AP5B1: variants seen among roughly 807,000 people sequenced by gnomAD.
AP5B1 encodes AP-5 complex subunit beta-1.
AP5B1 carries 3 observed loss-of-function variants against 5.7 expected under a neutral mutation model. That is an observed-to-expected ratio of 0.53 (90% CI 0.24 to 1.36). AP5B1 has a LOEUF of 1.36. Ranked by LOEUF, AP5B1 falls within the 40% of genes most tolerant of loss-of-function variation. The pLI is 0.17. For missense variants in AP5B1, 1,310 were observed against 1,143.2 expected, an observed-to-expected ratio of 1.15 and a Z score of -2.10; for synonymous variants, 696 against 555.5, an observed-to-expected ratio of 1.25 and a Z score of -3.56.
chr11:65,779,224 A>G lies in AP5B1; in HGVS notation c.1269T>C (p.Cys423=). 6.2e-7 allele frequency: 1 copy of G among 1,602,206 alleles called. No individual in the cohort carries two copies. The highest frequency in any genetic ancestry group is 8.5e-7 in the Non-Finnish European group (1 of 1,174,008). The part of the protein sequence containing the change: ...LARLHLLCLL[C]AEEEEEEKGQ... The stretch of plus-strand genomic sequence containing the variant: ...CTTTCTCCTCTTCTTCCTCCTCGGC[A>G]CAGAGCAGGCACAGTAAATGCAGGC... The change falls in exon 2 of 2, where the codon TGT becomes TGC. Residue 423 remains cysteine, a synonymous_variant. Transcript: ENST00000532090.
Position 65,779,209 on chromosome 11 carries a change from T to C in AP5B1, c.1284A>G (p.Glu428=), listed in dbSNP as rs1857809635. The change falls in exon 2 of 2, where the codon GAA becomes GAG. Residue 428 remains glutamate, a synonymous_variant. Coordinates refer to ENST00000532090, the MANE Select transcript of AP5B1 (RefSeq NM_138368.5). ...GGCTTGGAAGCTGGCCTTTCTCCTC[T>C]TCTTCCTCCTCGGCACAGAGCAGGC... ...LLCLLCAEEE[E]EEKGQLPSPR... is the part of the protein sequence containing the mutation. 2 of 1,605,466 alleles carry C rather than the reference T, an allele frequency of 1.2e-6. No individual in the cohort carries two copies. Among genetic ancestry groups the C allele is most frequent in the African/African-American group, 1.3e-5 (1 of 74,736 alleles).
Position 65,779,976 on chromosome 11 carries a change from GCAGCAACCCCAGGGAGCCCCC to G in AP5B1, c.496_516del (p.Gly166_Leu172del), listed in dbSNP as rs770627953. The G allele has an allele frequency of 1.2e-5, 19 of 1,578,256 alleles. No individual in the cohort carries two copies. The highest frequency in any genetic ancestry group is 1.6e-5 in the Non-Finnish European group (19 of 1,162,746). On this transcript the variant is annotated inframe_deletion, in exon 2 of 2. Coordinates refer to ENST00000532090, the MANE Select transcript of AP5B1 (RefSeq NM_138368.5). ...GGGCCTTCCTGCCCCAGCAGGCCCC[GCAGCAACCCCAGGGAGCCCCC>G]CAGCAGCCCGGGCTTGCAGCTCTCT...
chr11:65,780,255 C>A lies in AP5B1; in HGVS notation c.238G>T (p.Asp80Tyr), dbSNP rs756306146. ...CGCGGGGGTAGGAGGACCAAGGTGT[C>A]CAACAGGGAGGTGGCGGCCACTTCG... is the stretch of plus-strand genomic sequence containing the variant. ...AAEVAATSLL[D>Y]TLVLLPPRPS... Residue 80 changes from aspartate (D) to tyrosine (Y), a missense_variant, in exon 2 of 2, where the codon GAC becomes TAC. Transcript: ENST00000532090. 1 of 1,510,344 alleles carries A rather than the reference C, an allele frequency of 6.6e-7. No individual in the cohort carries two copies. The highest frequency in any genetic ancestry group is 1.3e-5 in the South Asian group (1 of 76,654). The allele number at this position is 1,510,344 out of a possible 1,614,324, so 93.6% of individuals were successfully genotyped here. A position where few individuals can be genotyped will look rare whatever the true frequency, so the allele number is the denominator to read the frequency against.
Position 65,777,730 on chromosome 11 carries a change from C to T in AP5B1, c.*126G>A, listed in dbSNP as rs548398375. The T allele has an allele frequency of 7.0e-5, 83 of 1,188,600 alleles. No homozygotes were observed. Among genetic ancestry groups the T allele is most frequent in the Non-Finnish European group, 8.2e-5 (72 of 877,816 alleles). 73.6% of individuals were successfully genotyped at this position (1,188,600 alleles called of 1,614,324 possible). A position where few individuals can be genotyped will look rare whatever the true frequency, so the allele number is the denominator to read the frequency against. On this transcript the variant is annotated 3_prime_UTR_variant, in exon 2 of 2. Transcript: ENST00000532090. ...TCACCCCCAGGAGCCTGCTCCCAAC[C>T]GGGGCCCAAAAGAAAACAAGCCAGC...
chr11:65,779,506 C>A lies in AP5B1; in HGVS notation c.987G>T (p.Ala329=), dbSNP rs768121204. The A allele has an allele frequency of 2.5e-6, 4 of 1,603,754 alleles. No individual in the cohort carries two copies. The highest frequency in any genetic ancestry group is 1.7e-6 in the Non-Finnish European group (2 of 1,176,156). The change falls in exon 2 of 2, where the codon GCG becomes GCT. Residue 329 remains alanine, a synonymous_variant. Coordinates refer to ENST00000532090, the MANE Select transcript of AP5B1 (RefSeq NM_138368.5). ...AQLTLLHAML[A]LKAAFGEALF... ...AGGCCTCACCAAAGGCCGCCTTGAG[C>A]GCAAGCATGGCGTGCAACAGTGTCA...
rs769590742 is a variant in AP5B1, at chr11:65,780,417, G to A, written c.150+25C>T. ...CGGGCTGGGGTGACCCTGCGGAACG[G>A]CGCAGGGGACGCGTGGGGGCCTACC... On this transcript the variant is annotated intron_variant, in intron 1 of 1. Coordinates refer to ENST00000532090, the MANE Select transcript of AP5B1 (RefSeq NM_138368.5). 5.4e-6 allele frequency: 8 copies of A among 1,484,324 alleles called. No homozygotes were observed. The African/African-American group carries it at 8.7e-5, about 16-fold the overall frequency. The allele number at this position is 1,484,324 out of a possible 1,614,324, so 91.9% of individuals were successfully genotyped here.
rs1369898902 is a variant in AP5B1, at chr11:65,780,356, T to C, written c.151-14A>G. 2.0e-6 allele frequency: 3 copies of C among 1,464,140 alleles called. No homozygotes were observed. In the Admixed American group the frequency reaches 7.3e-5, roughly 36 times the overall value. 90.7% of individuals were successfully genotyped at this position (1,464,140 alleles called of 1,614,324 possible). A position where few individuals can be genotyped will look rare whatever the true frequency, so the allele number is the denominator to read the frequency against. On this transcript the variant is annotated splice_polypyrimidine_tract_variant and intron_variant, in intron 1 of 1. Coordinates refer to ENST00000532090, the MANE Select transcript of AP5B1 (RefSeq NM_138368.5). ...CAGCAGGGAAACCTGGATGGGGGAT[T>C]AGGAGGGAATCACGAAGATGAGGTT... is the stretch of plus-strand genomic sequence containing the variant.
At position 65,778,191 on chromosome 11, in the gene AP5B1, G is replaced by C; in HGVS notation, c.2302C>G (p.Leu768Val). 1 of 1,613,238 alleles carries C rather than the reference G, an allele frequency of 6.2e-7. No individual in the cohort carries two copies. Among genetic ancestry groups the C allele is most frequent in the Non-Finnish European group, 8.5e-7 (1 of 1,179,886 alleles). The change falls in exon 2 of 2, where the codon CTG (leucine) becomes GTG (valine). Residue 768 changes from leucine (L) to valine (V), a missense_variant. Coordinates refer to ENST00000532090, the MANE Select transcript of AP5B1 (RefSeq NM_138368.5). The stretch of plus-strand genomic sequence containing the variant: ...CCCTCTGGAGGCTGCGGGAAAGGCA[G>C]AAAGAGGTCGGCAAAGTTCACGAAC... ...PLFVNFADLF[L>V]PFPQPPEGAG...
In AP5B1 at chr11:65,779,223, C is replaced by A. The variant is rs779328191; in HGVS notation, c.1270G>T (p.Ala424Ser). 6.2e-6 allele frequency: 10 copies of A among 1,602,200 alleles called. 1 individual carries two copies. The South Asian group carries it at 1.1e-4, about 18-fold the overall frequency. The change falls in exon 2 of 2, where the codon GCC (alanine) becomes TCC (serine). Residue 424 changes from alanine (A) to serine (S), a missense_variant. Coordinates refer to ENST00000532090, the MANE Select transcript of AP5B1 (RefSeq NM_138368.5). The stretch of plus-strand genomic sequence containing the variant: ...CCTTTCTCCTCTTCTTCCTCCTCGG[C>A]ACAGAGCAGGCACAGTAAATGCAGG... ...ARLHLLCLLC[A>S]EEEEEEKGQL...
In AP5B1 at chr11:65,779,879, G is replaced by A. The variant is rs200933471; in HGVS notation, c.614C>T (p.Ala205Val). The part of the protein sequence containing the change: ...NTLVLQSRVG[A>V]GLGGLLTDKV... ...ATCCGTGAGCAGTCCCCCCAGGCCA[G>A]CCCCAACCCGGGACTGGAGCACCAA... The change falls in exon 2 of 2, where the codon GCT (alanine) becomes GTT (valine). Residue 205 changes from alanine to valine, a missense_variant. Ala to Val is a moderately conservative substitution (Grantham distance 64). Coordinates refer to ENST00000532090, the MANE Select transcript of AP5B1 (RefSeq NM_138368.5). The A allele has an allele frequency of 3.8e-6, 6 of 1,595,126 alleles. No homozygotes were observed. The East Asian group carries it at 1.1e-4, about 30-fold the overall frequency.
Position 65,780,446 on chromosome 11 carries a change from G to C in AP5B1, c.146C>G (p.Thr49Ser). 1 of 1,514,954 alleles carries C rather than the reference G, an allele frequency of 6.6e-7. No individual in the cohort carries two copies. The highest frequency in any genetic ancestry group is 8.8e-7 in the Non-Finnish European group (1 of 1,137,974). The allele number at this position is 1,514,954 out of a possible 1,614,324, so 93.8% of individuals were successfully genotyped here. Residue 49 changes from threonine (T) to serine (S), a missense_variant, in exon 1 of 2, where the codon ACC (threonine) becomes AGC (serine). Transcript: ENST00000532090. ...DLRSEKLSEQTKVSLLALSME... is the reference protein window; with the variant it reads ...DLRSEKLSEQSKVSLLALSME... Reference sequence around the variant, plus strand: ...AGGGGACGCGTGGGGGCCTACCTTGGTCTGTTCGCTCAGCTTCTCACTTCT... The same window carrying C: ...AGGGGACGCGTGGGGGCCTACCTTGCTCTGTTCGCTCAGCTTCTCACTTCT...
rs576189594 is a variant in AP5B1, at chr11:65,778,879, G to A, written c.1614C>T (p.Cys538=). The A allele has an allele frequency of 9.3e-6, 15 of 1,609,980 alleles. No homozygotes were observed. The African/African-American group carries it at 1.1e-4, about 11-fold the overall frequency. ...VSRPGRDEAL[C]WHLQMLAKVA... ...CCTTTGCCAGCATTTGCAGGTGCCA[G>A]CAAAGAGCTTCATCCCTGCCCGGCC... The change falls in exon 2 of 2, where the codon TGC becomes TGT. Residue 538 remains cysteine (C), a synonymous_variant. Coordinates refer to ENST00000532090, the MANE Select transcript of AP5B1 (RefSeq NM_138368.5).
chr11:65,777,737 CA>C lies in AP5B1; in HGVS notation c.*118del, dbSNP rs1857782188. The C allele has an allele frequency of 2.4e-6, 3 of 1,265,242 alleles. No individual in the cohort carries two copies. Among genetic ancestry groups the C allele is most frequent in the African/African-American group, 3.0e-5 (2 of 66,248 alleles). 78.4% of individuals were successfully genotyped at this position (1,265,242 alleles called of 1,614,324 possible). A position where few individuals can be genotyped will look rare whatever the true frequency, so the allele number is the denominator to read the frequency against. On this transcript the variant is annotated 3_prime_UTR_variant, in exon 2 of 2. Coordinates refer to ENST00000532090, the MANE Select transcript of AP5B1 (RefSeq NM_138368.5). Reference sequence around the variant, plus strand: ...CAGGAGCCTGCTCCCAACCGGGGCCCAAAAGAAAACAAGCCAGCGAGGGCAC... The same window carrying C: ...CAGGAGCCTGCTCCCAACCGGGGCCCAAAGAAAACAAGCCAGCGAGGGCAC...
At position 65,774,221 on chromosome 11, in the gene AP5B1, G is replaced by C. The variant is rs1182554903; in HGVS notation, c.*3635C>G. On this transcript the variant is annotated 3_prime_UTR_variant, in exon 2 of 2. Coordinates refer to ENST00000532090, the MANE Select transcript of AP5B1 (RefSeq NM_138368.5). ...ATCTGTTCAGTCGGTGGGGTTTTAG[G>C]ATTTTTAGTTTACATAACTGATTTG... Among the ~76,000 whole-genome samples, 1 of 152,202 alleles carries C rather than the reference G, an allele frequency of 6.6e-6. No individual in the cohort carries two copies. Among genetic ancestry groups the C allele is most frequent in the East Asian group, 1.9e-4 (1 of 5,206 alleles).
rs1488827289 is a variant in AP5B1 at position 65,776,259 on chromosome 11, G to A, written c.*1597C>T. 1 of 152,204 alleles carries A rather than the reference G, an allele frequency of 6.6e-6. No homozygotes were observed. The highest frequency in any genetic ancestry group is 1.5e-5 in the Non-Finnish European group (1 of 68,102). 9.4% of individuals were successfully genotyped at this position (152,204 alleles called of 1,614,324 possible). On this transcript the variant is annotated 3_prime_UTR_variant, in exon 2 of 2. Transcript: ENST00000532090. Reference sequence around the variant, plus strand: ...CAGGAGGCGTAAAGCTGGCCCATGGGGAACCTGTGGCTGGGAGCCCATGAG... The same window carrying A: ...CAGGAGGCGTAAAGCTGGCCCATGGAGAACCTGTGGCTGGGAGCCCATGAG...
rs765671704 is a variant in AP5B1, at chr11:65,778,940, G to A, written c.1553C>T (p.Pro518Leu). The A allele has an allele frequency of 4.8e-5, 78 of 1,612,816 alleles. No individual in the cohort carries two copies. Among genetic ancestry groups the A allele is most frequent in the Non-Finnish European group, 6.1e-5 (72 of 1,179,804 alleles). Residue 518 changes from proline to leucine, a missense_variant, in exon 2 of 2, where the codon CCC (proline) becomes CTC (leucine). By Grantham distance (98) the Pro-to-Leu change is moderately conservative (BLOSUM62 -3). Coordinates refer to ENST00000532090, the MANE Select transcript of AP5B1 (RefSeq NM_138368.5). ...CACCTGCCGCAACACCACCTTCAGG[G>A]GCTCCCTCAGCTCAGAGTCCACCTG... ...LDQVDSELRE[P>L]LKVVLRQVVV...
rs375471747 is a variant in AP5B1 at position 65,778,555 on chromosome 11, G to C, written c.1938C>G (p.Ala646=). ...GTGCTGCCACAAAGCCCTGGTTCTCGGCCACCAGTGAAGAGGCCAGTGCAG... is the reference window on the plus strand; with the variant it reads ...GTGCTGCCACAAAGCCCTGGTTCTCCGCCACCAGTGAAGAGGCCAGTGCAG... ...AAPALASSLV[A]ENQGFVAALM... The change falls in exon 2 of 2, where the codon GCC becomes GCG. Residue 646 remains alanine, a synonymous_variant. Coordinates refer to ENST00000532090, the MANE Select transcript of AP5B1 (RefSeq NM_138368.5). 3.2e-6 allele frequency: 5 copies of C among 1,582,374 alleles called. No individual in the cohort carries two copies. Among genetic ancestry groups the C allele is most frequent in the Non-Finnish European group, 2.6e-6 (3 of 1,166,492 alleles).
chr11:65,779,281 A>T lies in AP5B1; in HGVS notation c.1212T>A (p.Ser404Arg), dbSNP rs779322848. 1 of 1,598,438 alleles carries T rather than the reference A, an allele frequency of 6.3e-7. No individual in the cohort carries two copies. The highest frequency in any genetic ancestry group is 8.5e-7 in the Non-Finnish European group (1 of 1,171,726). ...GGAGGGCCATTGGGTCATGCAGGAG[A>T]CTGGGCAGGAGACCACGGCATAGCT... is the stretch of plus-strand genomic sequence containing the variant. The part of the protein sequence containing the change: ...GPQLCRGLLP[S>R]LLHDPMALLA... Residue 404 changes from serine to arginine, a missense_variant, in exon 2 of 2, where the codon AGT becomes AGA. Coordinates refer to ENST00000532090, the MANE Select transcript of AP5B1 (RefSeq NM_138368.5).
At position 65,776,694 on chromosome 11, in the gene AP5B1, T is replaced by C. The variant is rs914005354; in HGVS notation, c.*1162A>G. On this transcript the variant is annotated 3_prime_UTR_variant, in exon 2 of 2. Transcript: ENST00000532090. ...ACCCTAGACCTTATTAGCAGGCCCT[T>C]CCTAGAGCTGGCTCTAATCGGCACA... 26 of 152,334 alleles carry C rather than the reference T, an allele frequency of 1.7e-4. No individual in the cohort carries two copies. The highest frequency in any genetic ancestry group is 6.3e-4 in the African/African-American group (26 of 41,580). 9.4% of individuals were successfully genotyped at this position (152,334 alleles called of 1,614,324 possible).
Sources: allele counts gnomAD v4.1 joint callset (sites outside exome capture counted in the v4.1 genomes callset), GRCh38; gene constraint gnomAD v4.1.1; transcripts MANE v1.5; gene names NCBI Gene and HGNC (gene_info 2026-07-23, HGNC 2026-07-21).